The following GMDS variants were observed in gnomAD, a reference collection of about 807,000 sequenced individuals.
GMDS encodes GDP-mannose 4,6-dehydratase, also known as GDP-mannose 4,6 dehydratase.
A neutral mutation model predicts 49.9 loss-of-function variants in GMDS; 20 were observed. The ratio of observed to expected loss-of-function variants is 0.40; its 90% CI spans 0.28 to 0.58. GMDS has a LOEUF of 0.58. GMDS is among the 20% of genes least tolerant of loss of function. The pLI is 0.42. For missense variants in GMDS, 362 were observed against 481.4 expected (o/e 0.75, Z 2.32); for synonymous variants, 177 against 178.6 (o/e 0.99, Z 0.07).
intron 4 of GMDS, among the ~76,000 whole-genome samples, chr6:2,091,740 A>T (rs1010659604): frequency 6.6e-6 from 1 of 152,044 alleles, no homozygotes; most frequent in East Asian, 1.9e-4. Context: ...CAAAGAAAAA[A>T]ATTTTTTTTT....
intron 1 of GMDS, among the ~76,000 whole-genome samples, chr6:2,240,970 G>C (rs12529910): frequency 0.022 from 3,304 of 152,312 alleles, 171 homozygotes; most frequent in East Asian, 0.14. Context: ...AATGGTGCTG[G>C]GGAGCAATCA....
intron 2 of GMDS, among the ~76,000 whole-genome samples, chr6:2,123,145 T>C (rs570980257): frequency 6.6e-6 from 1 of 152,314 alleles, no homozygotes; most frequent in African/African-American, 2.4e-5. Flanking sequence ...ACACTAACAG[T>C]ACCAGGTGCT....
intron 6 of GMDS, among the ~76,000 whole-genome samples, chr6:1,949,489 C>T (rs1277814937): frequency 6.6e-6 from 1 of 152,178 alleles, no homozygotes; most frequent in Non-Finnish European, 1.5e-5. Flanking sequence ...TTCAATTTAA[C>T]AATTCCAGAA....
At chr6:2,108,629 C>G (rs1774371202) in intron 4 of GMDS, among the ~76,000 whole-genome samples, 1 of 152,320 alleles carries the variant, frequency 6.6e-6, no homozygotes, top group Middle Eastern at 3.4e-3. Context: ...AACTCAAACT[C>G]AAATGCACCA....
chr6:2,107,201 A>C (rs1339580815), intron 4 of GMDS, among the ~76,000 whole-genome samples: 3 of 152,256 alleles, frequency 2.0e-5, no homozygotes, highest in Non-Finnish European at 2.9e-5. Flanking sequence ...AGCTCTAATA[A>C]AACAGAACAA....
intron 7 of GMDS, among the ~76,000 whole-genome samples, chr6:1,807,891 C>T (rs948670937): frequency 2.0e-5 from 3 of 152,100 alleles, no homozygotes; most frequent in Admixed American, 1.3e-4. Flanking sequence ...AAATTATAAA[C>T]TGGACTTCAT....
At chr6:1,832,554 A>G in intron 7 of GMDS, among the ~76,000 whole-genome samples, 1 of 152,084 alleles carries the variant, frequency 6.6e-6, no homozygotes, top group East Asian at 1.9e-4. Flanking sequence ...TTTTGTGCCC[A>G]TTACACAAGC....
chr6:1,753,666 A>C (rs766637608), intron 7 of GMDS, among the ~76,000 whole-genome samples: 1 of 152,236 alleles, frequency 6.6e-6, no homozygotes, highest in African/African-American at 2.4e-5. Context: ...ATGCAAAAGC[A>C]TGGAAATCAT....
intron 1 of GMDS, among the ~76,000 whole-genome samples, chr6:2,243,169 A>C (rs1203261767): frequency 6.6e-6 from 1 of 152,196 alleles, no homozygotes; most frequent in African/African-American, 2.4e-5. Flanking sequence ...CAGGTGTTTT[A>C]AGTTGGAAAT....
intron 4 of GMDS, among the ~76,000 whole-genome samples, chr6:2,038,502 C>A (rs891949276): frequency 6.6e-6 from 1 of 152,162 alleles, no homozygotes; most frequent in Non-Finnish European, 1.5e-5. Flanking sequence ...GTTCCTTCAG[C>A]TAGCAGCAAG....
At chr6:1,909,704 C>A (rs762629376) in intron 7 of GMDS, among the ~76,000 whole-genome samples, 21 of 152,196 alleles carry the variant, frequency 1.4e-4, no homozygotes, top group Non-Finnish European at 2.6e-4. Context: ...CTTCTGCTTA[C>A]TCCTTCCACA....
rs6919180 is a variant in GMDS, at chr6:1,966,639, T to C, written c.346-5673A>G. Among the ~76,000 whole-genome samples the C allele has an allele frequency of 2.6e-3, 402 of 152,246 alleles. 1 individual carries two copies. Among genetic ancestry groups the C allele is most frequent in the African/African-American group, 9.3e-3 (387 of 41,560 alleles). ...CTCAGTCCGAGGTCTCAATTCACCATCTGTCCAAATGGGCCCAAAGGCCCA... is the reference window on the plus strand; with the variant it reads ...CTCAGTCCGAGGTCTCAATTCACCACCTGTCCAAATGGGCCCAAAGGCCCA... On this transcript the variant is annotated intron_variant, in intron 4 of 10. Transcript: ENST00000380815.
chr6:1,852,458 T>C (rs982665211), intron 7 of GMDS, among the ~76,000 whole-genome samples: 30 of 152,262 alleles, frequency 2.0e-4, no homozygotes, highest in Non-Finnish European at 2.9e-5. Flanking sequence ...CTTTCCATTG[T>C]AGGCACAGTG....
intron 9 of GMDS, among the ~76,000 whole-genome samples, chr6:1,659,869 AAAAG>A (rs1764012491): frequency 6.6e-6 from 1 of 152,090 alleles, no homozygotes; most frequent in Non-Finnish European, 1.5e-5. Context: ...CATTAAAAAA[AAAAG>A]AAAGAGTAAC....
At chr6:1,878,210 G>T (rs1378652331) in intron 7 of GMDS, among the ~76,000 whole-genome samples, 2 of 151,272 alleles carry the variant, frequency 1.3e-5, no homozygotes, top group African/African-American at 4.9e-5. Context: ...AGCTACTTGG[G>T]AGGCTGAGGC....
chr6:1,639,767 A>C (rs1295735331), intron 9 of GMDS, among the ~76,000 whole-genome samples: 1 of 152,214 alleles, frequency 6.6e-6, no homozygotes, highest in Non-Finnish European at 1.5e-5. Context: ...AGGCTCAGCT[A>C]CTTGGGAAGC....
At chr6:2,159,585 C>T (rs1267815726) in intron 1 of GMDS, among the ~76,000 whole-genome samples, 2 of 126,202 alleles carry the variant, frequency 1.6e-5, no homozygotes, top group Non-Finnish European at 3.1e-5. Flanking sequence ...GTGGCATGAT[C>T]TCGGCTCACT....
chr6:2,018,040 T>G (rs1768018325), intron 4 of GMDS, among the ~76,000 whole-genome samples: 1 of 152,192 alleles, frequency 6.6e-6, no homozygotes, highest in South Asian at 2.1e-4. Context: ...CTGCCATCCA[T>G]AGTCTTCCTC....
At chr6:1,795,848 C>T (rs1769714700) in intron 7 of GMDS, among the ~76,000 whole-genome samples, 1 of 152,076 alleles carries the variant, frequency 6.6e-6, no homozygotes, top group South Asian at 2.1e-4. Context: ...GCAACAGGAC[C>T]CTAAATAAGC....
Sources: allele counts gnomAD v4.1 joint callset (sites outside exome capture counted in the v4.1 genomes callset), GRCh38; gene constraint gnomAD v4.1.1; transcripts MANE v1.5; gene names NCBI Gene and HGNC (gene_info 2026-07-23, HGNC 2026-07-21).